GPC5: variants seen among roughly 807,000 people sequenced by gnomAD.
The protein encoded by GPC5 is glypican 5.
A neutral mutation model predicts 53.9 loss-of-function variants in GPC5; 47 were observed. The observed-to-expected ratio is 0.87, with a 90% CI of 0.69 to 1.11. The LOEUF (loss-of-function observed/expected upper bound fraction) is 1.11. Among genes scored for constraint, GPC5 ranks in the 50% most tolerant of loss-of-function variants. The pLI is 0.00. For synonymous variants in GPC5, 286 were observed against 263.3 expected, an observed-to-expected ratio of 1.09 and a Z score of -0.84; for missense variants, 748 against 713.1, an observed-to-expected ratio of 1.05 and a Z score of -0.56.
intron 6 of GPC5, among the ~76,000 whole-genome samples, chr13:91,977,160 C>A (rs960324912): frequency 1.3e-5 from 2 of 152,020 alleles, no homozygotes; most frequent in Admixed American, 1.3e-4. Context: ...GGGCCAATTT[C>A]AAAACTGTTA....
chr13:92,537,376 T>C (rs929321911), intron 7 of GPC5, among the ~76,000 whole-genome samples: 2 of 152,174 alleles, frequency 1.3e-5, no homozygotes, highest in Non-Finnish European at 2.9e-5. Flanking sequence ...CTGCACCATA[T>C]AGCTCAAGTG....
intron 6 of GPC5, among the ~76,000 whole-genome samples, chr13:92,050,622 A>G (rs578247590): frequency 8.1e-4 from 123 of 152,366 alleles, no homozygotes; most frequent in African/African-American, 2.9e-3. Flanking sequence ...CTATTTTACC[A>G]TATAATCTGT....
intron 4 of GPC5, among the ~76,000 whole-genome samples, chr13:91,736,971 A>ATTATTT (rs1555342758): frequency 6.7e-6 from 1 of 149,384 alleles, no homozygotes; most frequent in African/African-American, 2.5e-5. Context: ...TATTATTATT[A>ATTATTT]TTTTTGATGG....
intron 7 of GPC5, among the ~76,000 whole-genome samples, chr13:92,296,993 C>T (rs2043040818): frequency 6.6e-6 from 1 of 152,200 alleles, no homozygotes; most frequent in Admixed American, 6.5e-5. Flanking sequence ...CCGACGAGCA[C>T]CACCCCCTGC....
intron 6 of GPC5, among the ~76,000 whole-genome samples, chr13:92,079,490 T>C (rs1010418256): frequency 6.6e-6 from 1 of 152,210 alleles, no homozygotes; most frequent in African/African-American, 2.4e-5. Context: ...GGCATGTGGC[T>C]CGCAGTATTT....
chr13:91,623,539 TGGCACCA>T (rs1356505328), intron 2 of GPC5, among the ~76,000 whole-genome samples: 2 of 152,146 alleles, frequency 1.3e-5, no homozygotes, highest in Admixed American at 1.3e-4. Flanking sequence ...GGGTCTTTTA[TGGCACCA>T]GGGTTTATCT....
intron 7 of GPC5, among the ~76,000 whole-genome samples, chr13:92,619,924 T>C (rs1200786866): frequency 6.6e-6 from 1 of 151,998 alleles, no homozygotes; most frequent in African/African-American, 2.4e-5. Flanking sequence ...TTTAACCATA[T>C]CACTAATCTA....
At chr13:92,545,258 T>C (rs1406996241) in intron 7 of GPC5, among the ~76,000 whole-genome samples, 6 of 152,228 alleles carry the variant, frequency 3.9e-5, no homozygotes, top group African/African-American at 1.2e-4. Flanking sequence ...CTCATCATTT[T>C]TTATTGCTGC....
intron 5 of GPC5, among the ~76,000 whole-genome samples, chr13:91,769,701 G>A (rs768965315): frequency 2.6e-5 from 4 of 152,136 alleles, no homozygotes; most frequent in South Asian, 2.1e-4. Flanking sequence ...AAATAAGCCC[G>A]GGAAGAAGCT....
intron 2 of GPC5, among the ~76,000 whole-genome samples, chr13:91,609,437 T>C (rs540123523): frequency 5.3e-5 from 8 of 152,284 alleles, no homozygotes; most frequent in Non-Finnish European, 1.0e-4. Flanking sequence ...GGGGAACACC[T>C]CATGCACCAG....
At chr13:92,024,446 C>T (rs1203588436) in intron 6 of GPC5, among the ~76,000 whole-genome samples, 3 of 152,176 alleles carry the variant, frequency 2.0e-5, no homozygotes, top group South Asian at 4.2e-4. Context: ...CGGTGGTTCC[C>T]CACTTTCCCC....
intron 7 of GPC5, among the ~76,000 whole-genome samples, chr13:92,601,691 TAATAA>T (rs979811560): frequency 4.6e-5 from 7 of 151,776 alleles, no homozygotes; most frequent in Non-Finnish European, 1.0e-4. Context: ...AAAGAAAATA[TAATAA>T]AATGCTTTAT....
intron 2 of GPC5, among the ~76,000 whole-genome samples, chr13:91,467,940 G>C (rs370449875): frequency 1.1e-3 from 173 of 152,222 alleles, no homozygotes; most frequent in African/African-American, 3.9e-3. Context: ...GATTGGCCAG[G>C]TTTACTGCAG....
rs33911884 is a variant in GPC5 at position 92,008,059 on chromosome 13, ATTTTTTT to A, written c.1401+100017_1401+100023del. On this transcript the variant is annotated intron_variant, in intron 6 of 7. Transcript: ENST00000377067. Reference sequence around the variant, plus strand: ...TCAAAGAACACGGTGAATGAGAATAATTTTTTTTTTTTTTTTTTTTTGAGACGGAGTC... The same window carrying A: ...TCAAAGAACACGGTGAATGAGAATAATTTTTTTTTTTTTTGAGACGGAGTC... Among the ~76,000 whole-genome samples the A allele has an allele frequency of 2.4e-5, 3 of 127,204 alleles. No homozygotes were observed. In the Admixed American group the frequency reaches 2.5e-4, roughly 11 times the overall value. 83.5% of individuals were successfully genotyped at this position (127,204 alleles called of 152,430 possible).
chr13:92,146,048 C>A (rs949283283), intron 7 of GPC5, among the ~76,000 whole-genome samples: 5 of 152,004 alleles, frequency 3.3e-5, no homozygotes, highest in Non-Finnish European at 5.9e-5. Context: ...ATTAAAAAGG[C>A]AGTTAACATA....
At chr13:91,554,859 A>T (rs560103619) in intron 2 of GPC5, among the ~76,000 whole-genome samples, 20 of 152,120 alleles carry the variant, frequency 1.3e-4, no homozygotes, top group Non-Finnish European at 2.4e-4. Flanking sequence ...GACATAACAC[A>T]CAGGCGGAAG....
intron 7 of GPC5, among the ~76,000 whole-genome samples, chr13:92,458,227 G>A (rs1173902093): frequency 2.0e-5 from 3 of 146,670 alleles, no homozygotes; most frequent in Admixed American, 7.0e-5. Context: ...TAAAGGCTGG[G>A]GAATGTTCAT....
At chr13:92,558,043 A>G (rs1882560019) in intron 7 of GPC5, among the ~76,000 whole-genome samples, 1 of 152,016 alleles carries the variant, frequency 6.6e-6, no homozygotes, top group Admixed American at 6.6e-5. Flanking sequence ...ATGGGATCCG[A>G]GGTACTAAAA....
intron 4 of GPC5, among the ~76,000 whole-genome samples, chr13:91,729,341 C>G (rs1248359206): frequency 6.6e-6 from 1 of 151,992 alleles, no homozygotes; most frequent in Non-Finnish European, 1.5e-5. Flanking sequence ...GCTCTTAAAA[C>G]TAGAGGAAAT....
Sources: allele counts gnomAD v4.1 joint callset (sites outside exome capture counted in the v4.1 genomes callset), GRCh38; gene constraint gnomAD v4.1.1; transcripts MANE v1.5; gene names NCBI Gene and HGNC (gene_info 2026-07-23, HGNC 2026-07-21).